SPECC1: variants seen among roughly 807,000 people sequenced by gnomAD.
The protein encoded by SPECC1 is sperm antigen with calponin homology and coiled-coil domains 1, also known as cytospin-B.
In SPECC1, 62 loss-of-function variants were observed where a neutral mutation model predicts 104.1. The observed-to-expected ratio is 0.60, with a 90% confidence interval of 0.49 to 0.74. The LOEUF is 0.74. Ranked by LOEUF, SPECC1 falls within the 30% of genes least tolerant of loss-of-function variation. SPECC1 has a pLI of 0.00. For synonymous variants in SPECC1, 513 were observed against 501.6 expected, an observed-to-expected ratio of 1.02 and a Z score of -0.30; for missense variants, 1,306 against 1,310.5, an observed-to-expected ratio of 1.00 and a Z score of 0.05.
chr17:20,210,850 A>C, intron 4 of SPECC1, among the ~76,000 whole-genome samples: 2 of 150,208 alleles, frequency 1.3e-5, no homozygotes, highest in South Asian at 2.1e-4. Flanking sequence ...CCCTCCCTCC[A>C]TGCCAGGCCT....
chr17:20,153,791 C>A (rs2032222139), intron 3 of SPECC1, among the ~76,000 whole-genome samples: 2 of 152,228 alleles, frequency 1.3e-5, no homozygotes, highest in African/African-American at 2.4e-5. Flanking sequence ...TTGTGTCACT[C>A]TTACCATGAT....
At chr17:20,199,056 T>C (rs2036225141) in intron 3 of SPECC1, among the ~76,000 whole-genome samples, 2 of 150,396 alleles carry the variant, frequency 1.3e-5, no homozygotes, top group Middle Eastern at 3.5e-3. Flanking sequence ...TATGTGGTAA[T>C]GGAATTGCAG....
At chr17:20,199,302 G>A (rs988590813) in intron 3 of SPECC1, among the ~76,000 whole-genome samples, 5 of 150,668 alleles carry the variant, frequency 3.3e-5, no homozygotes, top group African/African-American at 1.2e-4. Flanking sequence ...GGCCAGGCTG[G>A]TCTTGAACTC....
intron 4 of SPECC1, among the ~76,000 whole-genome samples, chr17:20,210,848 C>T (rs1338540985): frequency 6.6e-6 from 1 of 152,182 alleles, no homozygotes; most frequent in Admixed American, 6.5e-5. Flanking sequence ...ACCCCTCCCT[C>T]CATGCCAGGC....
chr17:20,083,244 C>G (rs2152492987), intron 1 of SPECC1, among the ~76,000 whole-genome samples: 2 of 152,340 alleles, frequency 1.3e-5, no homozygotes, highest in Admixed American at 1.3e-4. Flanking sequence ...GGTGGGGCCA[C>G]TGATTTGCCT....
rs1567588788 is a variant in SPECC1, at chr17:20,260,215, CA to C, written c.2862del (p.Ala955ProfsTer15). 8.1e-6 allele frequency: 13 copies of C among 1,613,666 alleles called. No individual in the cohort carries two copies. Among genetic ancestry groups the C allele is most frequent in the Non-Finnish European group, 1.1e-5 (13 of 1,179,750 alleles). ...KLSVERKDPL[A>X]ALAREYGGSK... is the part of the protein sequence containing the mutation. ...AGTGTGGAAAGAAAAGACCCTCTGG[CA>C]GCCTTGGCCCGGGAATACGGTGGTT... On this transcript the variant is annotated frameshift_variant, in exon 12 of 15. Coordinates refer to ENST00000395527, the MANE Select transcript of SPECC1 (RefSeq NM_001243439.2). LOFTEE classifies it high-confidence loss of function.
chr17:20,093,650 C>CCTTCTAGTAGGAGTCCTA (rs2047502398), intron 1 of SPECC1, among the ~76,000 whole-genome samples: 1 of 151,802 alleles, frequency 6.6e-6, no homozygotes, highest in Non-Finnish European at 1.5e-5. Flanking sequence ...CACCTGCTCC[C>CCTTCTAGTAGGAGTCCTA]CTTCTAGTAG....
At chr17:20,294,985 T>C (rs1278092228) in intron 12 of SPECC1, among the ~76,000 whole-genome samples, 1 of 151,182 alleles carries the variant, frequency 6.6e-6, no homozygotes, top group Non-Finnish European at 1.5e-5. Context: ...TATGTTGCCT[T>C]ACTGAAAAAT....
At chr17:20,308,489 A>C (rs1049825140) in intron 14 of SPECC1, among the ~76,000 whole-genome samples, 8 of 152,020 alleles carry the variant, frequency 5.3e-5, no homozygotes, top group African/African-American at 1.9e-4. Flanking sequence ...TCTTACCACC[A>C]TGAACAGTGC....
intron 7 of SPECC1, among the ~76,000 whole-genome samples, chr17:20,243,942 C>T (rs1035814582): frequency 6.6e-6 from 1 of 152,058 alleles, no homozygotes; most frequent in South Asian, 2.1e-4. Flanking sequence ...GGTGGCCAGG[C>T]GCAGTGGCTC....
At chr17:20,019,763 C>A (rs146118574) in intron 1 of SPECC1, among the ~76,000 whole-genome samples, 1 of 152,178 alleles carries the variant, frequency 6.6e-6, no homozygotes, top group African/African-American at 2.4e-5. Flanking sequence ...CACTTCTCTT[C>A]CAGCTTTCCC....
intron 2 of SPECC1, among the ~76,000 whole-genome samples, chr17:20,101,000 CTT>C (rs1017971420): frequency 6.6e-6 from 1 of 152,156 alleles, no homozygotes; most frequent in African/African-American, 2.4e-5. Flanking sequence ...TGAACTCATT[CTT>C]TTTTATGGCT....
intron 3 of SPECC1, among the ~76,000 whole-genome samples, chr17:20,158,493 G>A (rs763727549): frequency 2.6e-5 from 4 of 152,306 alleles, no homozygotes; most frequent in Non-Finnish European, 5.9e-5. Flanking sequence ...TGGGCAGGGA[G>A]AGCCTCAGAT....
chr17:20,191,660 A>G (rs1335495040), intron 3 of SPECC1, among the ~76,000 whole-genome samples: 1 of 148,456 alleles, frequency 6.7e-6, no homozygotes, highest in Non-Finnish European at 1.5e-5. Context: ...CCCCCCACCC[A>G]CTGACAAGCC....
At chr17:20,295,466 G>A (rs2041318424) in intron 12 of SPECC1, among the ~76,000 whole-genome samples, 1 of 152,044 alleles carries the variant, frequency 6.6e-6, no homozygotes, top group African/African-American at 2.4e-5. Context: ...AGTGATTAGT[G>A]CCGCAATAAA....
chr17:20,168,533 C>A (rs1018283486), intron 3 of SPECC1, among the ~76,000 whole-genome samples: 1 of 152,108 alleles, frequency 6.6e-6, no homozygotes, highest in African/African-American at 2.4e-5. Context: ...AGGTCAGGGA[C>A]AAAACAGTGG....
chr17:20,130,137 C>A (rs756000306), intron 3 of SPECC1, among the ~76,000 whole-genome samples: 1 of 152,188 alleles, frequency 6.6e-6, no homozygotes, highest in Non-Finnish European at 1.5e-5. Context: ...GTGTGTTATT[C>A]ATTTTTAGTT....
chr17:20,192,012 C>A (rs1311452028), intron 3 of SPECC1, among the ~76,000 whole-genome samples: 2 of 152,124 alleles, frequency 1.3e-5, no homozygotes, highest in Non-Finnish European at 2.9e-5. Context: ...TTATGACTTA[C>A]TGCAGCCTTC....
intron 2 of SPECC1, among the ~76,000 whole-genome samples, chr17:20,097,412 T>C (rs1469676155): frequency 6.6e-6 from 1 of 152,234 alleles, no homozygotes. Flanking sequence ...CATGCAATAC[T>C]TTAGAAAAGT....
Sources: allele counts gnomAD v4.1 joint callset (sites outside exome capture counted in the v4.1 genomes callset), GRCh38; gene constraint gnomAD v4.1.1; transcripts MANE v1.5; gene names NCBI Gene and HGNC (gene_info 2026-07-23, HGNC 2026-07-21).